Variants in COL14A1 observed in about 807,000 individuals in gnomAD.
COL14A1 encodes the protein collagen alpha-1(XIV) chain.
A neutral mutation model predicts 230.3 loss-of-function variants in COL14A1; 136 were observed. The observed-to-expected ratio is 0.59, with a 90% confidence interval of 0.51 to 0.68. The LOEUF (loss-of-function observed/expected upper bound fraction) is 0.68, where lower values mean the gene tolerates loss of function less well. Ranked by LOEUF, COL14A1 falls within the 30% of genes least tolerant of loss-of-function variation. COL14A1 has a pLI of 0.00. For synonymous variants in COL14A1, 792 were observed against 784.1 expected (o/e 1.01, Z -0.17); for missense variants, 1,976 against 2,215.8 (o/e 0.89, Z 2.17).
chr8:120,330,276 A>T (rs1006914342), intron 40 of COL14A1, among the ~76,000 whole-genome samples: 1 of 152,122 alleles, frequency 6.6e-6, no homozygotes, highest in Non-Finnish European at 1.5e-5. Flanking sequence ...AGTGTGGCAA[A>T]GGGCTTTGCT....
rs536147591 is a variant in COL14A1, at chr8:120,136,487, T to G, written c.-38+11147T>G. Among the ~76,000 whole-genome samples, 266 of 152,260 alleles carry G rather than the reference T, an allele frequency of 1.7e-3. 4 individuals are homozygous for G. Among genetic ancestry groups the G allele is most frequent in the Non-Finnish European group, 1.3e-3 (87 of 68,018 alleles). ...GAAGAAACATACTAAACATGCTAAA[T>G]GATTTAAAAATATTAAACCAATATT... On this transcript the variant is annotated intron_variant, in intron 1 of 47. Transcript: ENST00000297848.
chr8:120,301,865 A>C (rs988730516), intron 36 of COL14A1, among the ~76,000 whole-genome samples: 1 of 152,004 alleles, frequency 6.6e-6, no homozygotes, highest in Non-Finnish European at 1.5e-5. Context: ...TGCCAGCATC[A>C]GTTATTTCTT....
At chr8:120,326,148 G>T (rs988058384) in intron 40 of COL14A1, among the ~76,000 whole-genome samples, 10 of 152,202 alleles carry the variant, frequency 6.6e-5, no homozygotes, top group African/African-American at 1.9e-4. Flanking sequence ...GGCTTGCCCA[G>T]TGAGAGCTGT....
intron 1 of COL14A1, among the ~76,000 whole-genome samples, chr8:120,138,468 C>G (rs570738053): frequency 2.0e-5 from 3 of 152,164 alleles, no homozygotes; most frequent in African/African-American, 7.2e-5. Context: ...AATTCTGTTC[C>G]CTGATGCTTT....
At chr8:120,338,617 G>T (rs1279833018) in intron 42 of COL14A1, among the ~76,000 whole-genome samples, 6 of 152,260 alleles carry the variant, frequency 3.9e-5, no homozygotes, top group African/African-American at 1.4e-4. Context: ...TAATCTTATA[G>T]GAGTGTTATA....
At chr8:120,328,329 G>C (rs1028606333) in intron 40 of COL14A1, among the ~76,000 whole-genome samples, 1 of 152,002 alleles carries the variant, frequency 6.6e-6, no homozygotes, top group African/African-American at 2.4e-5. Flanking sequence ...AACCTTCCGG[G>C]CTCAAGCAAT....
Position 120,349,611 on chromosome 8 carries a change from C to A in COL14A1, c.5077+4048C>A, listed in dbSNP as rs1285532132. Among the ~76,000 whole-genome samples the A allele has an allele frequency of 5.0e-5, 7 of 140,712 alleles. No individual in the cohort carries two copies. The East Asian group carries it at 1.4e-3, about 28-fold the overall frequency. The allele number at this position is 140,712 out of a possible 152,430, so 92.3% of individuals were successfully genotyped here. ...AATGCAGAAGCCTCGGGAGCCGATGCGATCAACTGGAAGAAAGGGTATCAG... is the reference window on the plus strand; with the variant it reads ...AATGCAGAAGCCTCGGGAGCCGATGAGATCAACTGGAAGAAAGGGTATCAG... On this transcript the variant is annotated intron_variant, in intron 45 of 47. Transcript: ENST00000297848.
intron 45 of COL14A1, among the ~76,000 whole-genome samples, chr8:120,355,691 G>A (rs1290191364): frequency 6.6e-6 from 1 of 151,974 alleles, no homozygotes; most frequent in Admixed American, 6.6e-5. Context: ...AAAGTGCTGG[G>A]ATTACAGGCA....
In COL14A1 at chr8:120,200,718, TATATATATATATATATATA is replaced by T. The variant is rs1563668012; in HGVS notation, c.877+1153_877+1171del. Among the ~76,000 whole-genome samples the T allele has an allele frequency of 8.0e-3, 43 of 5,382 alleles. 1 individual carries two copies. Among genetic ancestry groups the T allele is most frequent in the African/African-American group, 0.049 (43 of 884 alleles). The allele number at this position is 5,382 out of a possible 152,430, so 3.5% of individuals were successfully genotyped here. ...AGATCCTAAAAAGTTTTCCTATTTA[TATATATATATATATATATA>T]TATATATATATATATATATATATAT... On this transcript the variant is annotated intron_variant, in intron 8 of 47. Coordinates refer to ENST00000297848, the MANE Select transcript of COL14A1 (RefSeq NM_021110.4).
At chr8:120,188,885 G>A (rs933325001) in intron 5 of COL14A1, among the ~76,000 whole-genome samples, 1 of 152,034 alleles carries the variant, frequency 6.6e-6, no homozygotes, top group Admixed American at 6.5e-5. Context: ...CATTTACCTG[G>A]GCTCCCAGGC....
intron 1 of COL14A1, among the ~76,000 whole-genome samples, chr8:120,143,361 G>C (rs1383762938): frequency 1.3e-4 from 20 of 152,216 alleles, no homozygotes; most frequent in Non-Finnish European, 1.5e-5. Context: ...GCTCACGCCT[G>C]TAAACCCAGC....
chr8:120,182,412 T>C (rs1816489766), intron 5 of COL14A1, among the ~76,000 whole-genome samples: 1 of 152,246 alleles, frequency 6.6e-6, no homozygotes, highest in Non-Finnish European at 1.5e-5. Context: ...CTTCAGAAAT[T>C]GCAAAATATC....
At chr8:120,201,358 A>G (rs1052928258) in intron 8 of COL14A1, among the ~76,000 whole-genome samples, 7 of 152,090 alleles carry the variant, frequency 4.6e-5, no homozygotes, top group African/African-American at 1.7e-4. Flanking sequence ...AGTTTGCAAG[A>G]GCCAATTGTG....
intron 25 of COL14A1, 133 bp from the exon 26 acceptor site, chr8:120,269,902 C>T: frequency 2.3e-6 from 2 of 864,984 alleles, no homozygotes; most frequent in Non-Finnish European, 3.5e-6. Context: ...GGAATATGAA[C>T]ATTAAGAAGT....
chr8:120,178,919 GT>G (rs747251498), intron 5 of COL14A1, among the ~76,000 whole-genome samples: 62 of 146,710 alleles, frequency 4.2e-4, no homozygotes, highest in African/African-American at 1.3e-3. Context: ...CTTTTTGATG[GT>G]TTTTTTTTTG....
Position 120,327,097 on chromosome 8 carries a change from A to G in COL14A1, c.4660-5044A>G, listed in dbSNP as rs140965950. Among the ~76,000 whole-genome samples the G allele has an allele frequency of 4.8e-3, 735 of 152,280 alleles. 5 individuals are homozygous for G. The highest frequency in any genetic ancestry group is 0.016 in the African/African-American group (681 of 41,572). On this transcript the variant is annotated intron_variant, in intron 40 of 47. Coordinates refer to ENST00000297848, the MANE Select transcript of COL14A1 (RefSeq NM_021110.4). ...CAAATTTGTTATTTGTTCTTGAACC[A>G]TTATCTCTAAAAGTGTTTAGTTGTT... is the stretch of plus-strand genomic sequence containing the variant.
intron 25 of COL14A1, among the ~76,000 whole-genome samples, chr8:120,267,797 C>T (rs1172240215): frequency 6.6e-6 from 1 of 151,674 alleles, no homozygotes; most frequent in African/African-American, 2.4e-5. Flanking sequence ...TGGGAAATGG[C>T]ATGTTGTGAG....
At chr8:120,195,077 T>C (rs1177324745) in intron 5 of COL14A1, among the ~76,000 whole-genome samples, 1 of 152,182 alleles carries the variant, frequency 6.6e-6, no homozygotes, top group Non-Finnish European at 1.5e-5. Context: ...ATAATGAATA[T>C]TGGAGTATTT....
intron 15 of COL14A1, 152 bp from the exon 16 acceptor site, chr8:120,226,475 C>T (rs537161636): frequency 3.2e-6 from 2 of 615,848 alleles, no homozygotes; most frequent in Admixed American, 3.0e-5. Context: ...GGAAGGCCAC[C>T]CTGGACTGAT....
Sources: gnomAD v4.1 joint callset for allele counts (sites outside exome capture counted in the v4.1 genomes callset) on GRCh38, gnomAD v4.1.1 for gene constraint, MANE v1.5 for transcripts, NCBI Gene and HGNC (gene_info 2026-07-23, HGNC 2026-07-21) for gene names.